Variants in MYH15 observed in about 807,000 individuals in gnomAD.
The protein encoded by MYH15 is myosin heavy chain 15.
Under a neutral mutation model 240.5 loss-of-function variants are expected in MYH15, and 227 were observed. The ratio of observed to expected loss-of-function variants is 0.94; its 90% CI spans 0.85 to 1.05. MYH15 has a LOEUF of 1.05. Ranked by LOEUF, MYH15 falls within the 50% of genes least tolerant of loss-of-function variation. The pLI is 0.00. For missense variants in MYH15, 2,217 were observed against 2,247.5 expected, an observed-to-expected ratio of 0.99 and a Z score of 0.27; for synonymous variants, 785 against 796.7, an observed-to-expected ratio of 0.99 and a Z score of 0.25.
At chr3:108,422,348 G>C (rs1025492070) in intron 27 of MYH15, among the ~76,000 whole-genome samples, 1 of 151,862 alleles carries the variant, frequency 6.6e-6, no homozygotes, top group Non-Finnish European at 1.5e-5. Flanking sequence ...CCCCTGAGTA[G>C]GTGGGATTAT....
chr3:108,539,369 C>G, the MYH15 span, among the ~76,000 whole-genome samples: 1 of 152,062 alleles, frequency 6.6e-6, no homozygotes, highest in South Asian at 2.1e-4. Context: ...ATGAGGTGGA[C>G]TTTTGACTTG....
At chr3:108,448,324 A>G (rs1431471547) in intron 21 of MYH15, among the ~76,000 whole-genome samples, 1 of 152,116 alleles carries the variant, frequency 6.6e-6, no homozygotes, top group Admixed American at 6.5e-5. Context: ...CTGAATAGAA[A>G]AACCAAACCC....
chr3:108,501,149 T>C (rs2083434183), intron 3 of MYH15, among the ~76,000 whole-genome samples: 1 of 152,200 alleles, frequency 6.6e-6, no homozygotes, highest in Non-Finnish European at 1.5e-5. Flanking sequence ...GCAAGCTGGT[T>C]GCATGCCATG....
intron 6 of MYH15, among the ~76,000 whole-genome samples, chr3:108,496,514 T>C (rs1266189442): frequency 6.6e-6 from 1 of 152,244 alleles, no homozygotes; most frequent in African/African-American, 2.4e-5. Flanking sequence ...TAGTATATGG[T>C]ATTTAATAAT....
intron 15 of MYH15, 78 bp from the exon 16 acceptor site, chr3:108,463,321 CT>C (rs373219290): frequency 0.089 from 90,280 of 1,019,302 alleles, no homozygotes; most frequent in South Asian, 0.14. Context: ...TGCATTACCC[CT>C]TTTTTTTTTT....
At chr3:108,549,392 G>A in the MYH15 span, among the ~76,000 whole-genome samples, 3 of 151,898 alleles carry the variant, frequency 2.0e-5, no homozygotes, top group Non-Finnish European at 2.9e-5. Flanking sequence ...AGAGATGAAG[G>A]ATGATGATTA....
chr3:108,429,626 A>G (rs1015154488), intron 26 of MYH15, among the ~76,000 whole-genome samples: 1 of 152,218 alleles, frequency 6.6e-6, no homozygotes, highest in Non-Finnish European at 1.5e-5. Flanking sequence ...GAAGCCACTG[A>G]TGTTATTATC....
chr3:108,536,048 TTC>T, the MYH15 span, among the ~76,000 whole-genome samples: 9 of 152,154 alleles, frequency 5.9e-5, no homozygotes, highest in Admixed American at 5.9e-4. Flanking sequence ...TGGGCGGATC[TTC>T]TGAGGTCAGA....
At chr3:108,474,531 A>C (rs1440767291) in intron 12 of MYH15, among the ~76,000 whole-genome samples, 1 of 149,512 alleles carries the variant, frequency 6.7e-6, no homozygotes, top group East Asian at 1.9e-4. Context: ...ATATATATTT[A>C]TGAGGTACAG....
intron 5 of MYH15, among the ~76,000 whole-genome samples, chr3:108,498,454 A>C (rs2083411301): frequency 6.6e-6 from 1 of 152,162 alleles, no homozygotes; most frequent in Non-Finnish European, 1.5e-5. Flanking sequence ...TAACTAGACA[A>C]GTCTCCTCAT....
At chr3:108,510,219 C>T (rs938835438) in intron 1 of MYH15, among the ~76,000 whole-genome samples, 2 of 152,036 alleles carry the variant, frequency 1.3e-5, no homozygotes, top group African/African-American at 2.4e-5. Flanking sequence ...GTGTAGGGCC[C>T]GGGCCTAGAC....
intron 1 of MYH15, among the ~76,000 whole-genome samples, 168 bp from the exon 2 acceptor site, chr3:108,505,997 A>C (rs1192098482): frequency 1.3e-5 from 2 of 152,158 alleles, no homozygotes; most frequent in South Asian, 4.1e-4. Flanking sequence ...CTGAAGATAC[A>C]CTCACTCACA....
At position 108,506,122 on chromosome 3, in the gene MYH15, C is replaced by T. The variant is rs755178254; in HGVS notation, c.89-293G>A. On this transcript the variant is annotated intron_variant, in intron 1 of 40. Coordinates refer to ENST00000693548, the MANE Select transcript of MYH15 (RefSeq NM_014981.3). ...CACCCCTCCCAACCCCAACACTTTC[C>T]TCCACTCACACCCCAGGACTTTGGT... Among the ~76,000 whole-genome samples, 209 of 152,230 alleles carry T rather than the reference C, an allele frequency of 1.4e-3. 1 individual carries two copies. Among genetic ancestry groups the T allele is most frequent in the Non-Finnish European group, 2.5e-3 (173 of 68,002 alleles).
chr3:108,409,927 A>G (rs904078587), intron 31 of MYH15, among the ~76,000 whole-genome samples: 5 of 152,234 alleles, frequency 3.3e-5, no homozygotes, highest in Non-Finnish European at 7.3e-5. Context: ...TGTAGCTATT[A>G]AAAAGCTTAT....
intron 12 of MYH15, 98 bp from the exon 13 acceptor site, chr3:108,470,945 T>G: frequency 8.3e-7 from 1 of 1,209,360 alleles, no homozygotes; most frequent in Non-Finnish European, 1.2e-6. Context: ...CAAATTAGGA[T>G]GTCTTTATTG....
At chr3:108,427,313 G>A (rs1193674054) in intron 27 of MYH15, among the ~76,000 whole-genome samples, 5 of 152,182 alleles carry the variant, frequency 3.3e-5, no homozygotes, top group Admixed American at 6.5e-5. Flanking sequence ...CAGTGTGATA[G>A]TGTTAGATGG....
chr3:108,417,812 C>T (rs1366520843), intron 28 of MYH15, among the ~76,000 whole-genome samples: 4 of 152,008 alleles, frequency 2.6e-5, no homozygotes, highest in African/African-American at 7.2e-5. Context: ...CACACACACA[C>T]ACACACACAC....
At chr3:108,422,852 G>T (rs544400644) in intron 27 of MYH15, among the ~76,000 whole-genome samples, 3 of 152,312 alleles carry the variant, frequency 2.0e-5, no homozygotes, top group East Asian at 3.9e-4. Flanking sequence ...TATTTCAAAG[G>T]TGATGCCAGG....
chr3:108,455,706 CA>C lies in MYH15; in HGVS notation c.2262+29del, dbSNP rs746069339. The C allele has an allele frequency of 3.1e-6, 5 of 1,610,888 alleles. No individual in the cohort carries two copies. In the East Asian group the frequency reaches 8.9e-5, roughly 29 times the overall value. On this transcript the variant is annotated intron_variant, in intron 20 of 40. Transcript: ENST00000693548. ...ACACAGTCTTCCCCCCATTCGTCTC[CA>C]AATGCATTCTTTGCAGTTTTCTGGT...
Sources: allele counts gnomAD v4.1 joint callset (sites outside exome capture counted in the v4.1 genomes callset), GRCh38; gene constraint gnomAD v4.1.1; transcripts MANE v1.5; gene names NCBI Gene and HGNC (gene_info 2026-07-23, HGNC 2026-07-21).